The following ATP6V1H variants were observed in gnomAD, a reference collection of about 807,000 sequenced individuals.
The protein encoded by ATP6V1H is V-type proton ATPase subunit H.
Under a neutral mutation model 71.7 loss-of-function variants are expected in ATP6V1H, and 39 were observed. That is an observed-to-expected ratio of 0.54 (90% CI 0.42 to 0.71). ATP6V1H has a LOEUF of 0.71. Ranked by LOEUF, ATP6V1H falls within the 30% of genes least tolerant of loss-of-function variation. The pLI, the probability that ATP6V1H is intolerant of heterozygous loss-of-function variation, is 0.00. For synonymous variants in ATP6V1H, 192 were observed against 199.3 expected (o/e 0.96, Z 0.31); for missense variants, 509 against 594.9 (o/e 0.86, Z 1.50).
chr8:53,732,706 A>G (rs1807067221), intron 13 of ATP6V1H, among the ~76,000 whole-genome samples: 1 of 151,852 alleles, frequency 6.6e-6, no homozygotes, highest in Non-Finnish European at 1.5e-5. Flanking sequence ...CAGCTTCGCC[A>G]GCAGACAGAA....
At chr8:53,839,528 C>A in intron 2 of ATP6V1H, 1 of 856,242 alleles carries the variant, frequency 1.2e-6, no homozygotes, top group Non-Finnish European at 1.4e-6. Context: ...AAATCAATCA[C>A]TAAGACTCTC....
At chr8:53,808,915 G>A (rs1038997200) in intron 7 of ATP6V1H, among the ~76,000 whole-genome samples, 12 of 152,062 alleles carry the variant, frequency 7.9e-5, no homozygotes, top group Admixed American at 6.5e-4. Flanking sequence ...ACATTTTGCA[G>A]TGTAAAACTT....
chr8:53,758,842 G>C (rs1467190995), intron 11 of ATP6V1H, among the ~76,000 whole-genome samples: 2 of 152,224 alleles, frequency 1.3e-5, no homozygotes, highest in African/African-American at 2.4e-5. Context: ...GGTGTCCATA[G>C]CTGGCACTGC....
At chr8:53,756,059 TTTTTC>T (rs1241997040) in intron 12 of ATP6V1H, among the ~76,000 whole-genome samples, 11 of 142,928 alleles carry the variant, frequency 7.7e-5, no homozygotes, top group African/African-American at 2.3e-4. Context: ...TATACTATTC[TTTTTC>T]TTTTCTTTTT....
chr8:53,777,327 G>C (rs1808926876), intron 9 of ATP6V1H, among the ~76,000 whole-genome samples: 1 of 151,868 alleles, frequency 6.6e-6, no homozygotes, highest in South Asian at 2.1e-4. Flanking sequence ...ACCAGAAAAA[G>C]ATAACACATT....
chr8:53,809,684 T>C (rs1402186936), intron 7 of ATP6V1H, among the ~76,000 whole-genome samples: 2 of 152,222 alleles, frequency 1.3e-5, no homozygotes, highest in Non-Finnish European at 2.9e-5. Context: ...CTTTAATAAC[T>C]TAAAATACTT....
chr8:53,752,526 G>C (rs964870347), intron 12 of ATP6V1H, among the ~76,000 whole-genome samples: 4 of 152,202 alleles, frequency 2.6e-5, no homozygotes, highest in Non-Finnish European at 5.9e-5. Flanking sequence ...TAAAGGGTAA[G>C]AAAAGAAACT....
At chr8:53,769,541 T>C in intron 11 of ATP6V1H, 77 bp downstream of exon 11, 1 of 1,403,838 alleles carries the variant, frequency 7.1e-7, no homozygotes, top group Non-Finnish European at 9.6e-7. Flanking sequence ...ATCTAAAATT[T>C]AGAGTGACAA....
chr8:53,779,720 T>A (rs1044088711), intron 9 of ATP6V1H, among the ~76,000 whole-genome samples: 1 of 152,136 alleles, frequency 6.6e-6, no homozygotes, highest in African/African-American at 2.4e-5. Context: ...ATTTCTCTAC[T>A]AAACTTTCGA....
rs113324775 is a variant in ATP6V1H, at chr8:53,789,438, C to T, written c.870+6209G>A. Among the ~76,000 whole-genome samples, 14 of 151,966 alleles carry T rather than the reference C, an allele frequency of 9.2e-5. 1 individual carries two copies. Among genetic ancestry groups the T allele is most frequent in the African/African-American group, 2.2e-4 (9 of 41,444 alleles). ...CTGTAATCCCAGCACTTTGGGAGGC[C>T]GAAGCAGGCACTCTAGCCTGGGCAA... On this transcript the variant is annotated intron_variant, in intron 9 of 13. Coordinates refer to ENST00000359530, the MANE Select transcript of ATP6V1H (RefSeq NM_015941.4).
chr8:53,776,492 A>G (rs1808895963), intron 9 of ATP6V1H, among the ~76,000 whole-genome samples: 1 of 152,216 alleles, frequency 6.6e-6, no homozygotes. Context: ...GCCCAGCTAC[A>G]TCTAAAAGAA....
intron 2 of ATP6V1H, among the ~76,000 whole-genome samples, chr8:53,840,211 A>G (rs1390962524): frequency 6.6e-6 from 1 of 152,190 alleles, no homozygotes; most frequent in Non-Finnish European, 1.5e-5. Flanking sequence ...AACATACTGA[A>G]TTAGAGCCGG....
chr8:53,833,273 T>G (rs1198673307), intron 2 of ATP6V1H, 187 bp from the exon 3 acceptor site: 1 of 533,472 alleles, frequency 1.9e-6, no homozygotes, highest in African/African-American at 1.9e-5. Context: ...GTGAACTCCC[T>G]GGAACCTGAG....
At chr8:53,722,512 C>A in intron 13 of ATP6V1H, among the ~76,000 whole-genome samples, 1 of 152,206 alleles carries the variant, frequency 6.6e-6, no homozygotes, top group Middle Eastern at 3.4e-3. Context: ...AAAGATAGCA[C>A]GTAAGCAAAG....
intron 2 of ATP6V1H, among the ~76,000 whole-genome samples, chr8:53,834,017 C>G (rs1410718955): frequency 6.6e-6 from 1 of 152,144 alleles, no homozygotes; most frequent in Admixed American, 6.5e-5. Context: ...TAGCAAACCC[C>G]CATCCTAATC....
intron 5 of ATP6V1H, 115 bp from the exon 6 acceptor site, chr8:53,814,881 CT>C (rs748578281): frequency 3.5e-6 from 2 of 576,126 alleles, no homozygotes; most frequent in Non-Finnish European, 6.1e-6. Flanking sequence ...CACTCAACCC[CT>C]CTAAAAATAA....
intron 12 of ATP6V1H, among the ~76,000 whole-genome samples, chr8:53,751,670 TTTC>T (rs765742598): frequency 6.6e-4 from 94 of 142,884 alleles, no homozygotes; most frequent in Non-Finnish European, 1.2e-3. Flanking sequence ...ATAAAGATAA[TTTC>T]TTTTTTTTTT....
chr8:53,780,903 G>T (rs1017888522), intron 9 of ATP6V1H, among the ~76,000 whole-genome samples: 1 of 152,182 alleles, frequency 6.6e-6, no homozygotes, highest in African/African-American at 2.4e-5. Context: ...GTATTCCATG[G>T]TGTATATGTG....
intron 7 of ATP6V1H, among the ~76,000 whole-genome samples, chr8:53,807,017 C>G (rs571960059): frequency 6.6e-6 from 1 of 152,314 alleles, no homozygotes; most frequent in South Asian, 2.1e-4. Flanking sequence ...CAGGTCCCCA[C>G]AAACTTCACA....
Sources: gnomAD v4.1 joint callset for allele counts (sites outside exome capture counted in the v4.1 genomes callset) on GRCh38, gnomAD v4.1.1 for gene constraint, MANE v1.5 for transcripts, NCBI Gene and HGNC (gene_info 2026-07-23, HGNC 2026-07-21) for gene names.